Variants in POTEE observed in about 807,000 individuals in gnomAD.
POTEE encodes the protein ANKRD26-like family C member 1A.
A neutral mutation model predicts 74.2 loss-of-function variants in POTEE; 21 were observed. The observed-to-expected ratio is 0.28, with a 90% CI of 0.20 to 0.41. The LOEUF (loss-of-function observed/expected upper bound fraction) is 0.41. POTEE is among the 10% of genes least tolerant of loss of function. POTEE has a pLI of 1.00. For synonymous variants in POTEE, 211 were observed against 432.8 expected, an observed-to-expected ratio of 0.49 and a Z score of 6.36; for missense variants, 525 against 1,158.6, an observed-to-expected ratio of 0.45 and a Z score of 7.94.
At chr2:131,221,680 G>A (rs559291876) in intron 4 of POTEE, among the ~76,000 whole-genome samples, 47 of 152,218 alleles carry the variant, frequency 3.1e-4, no homozygotes, top group African/African-American at 1.0e-3. Context: ...TGTTCCTGTA[G>A]ATTTTATTGT....
At chr2:131,212,297 C>A (rs1206719496) in intron 2 of POTEE, among the ~76,000 whole-genome samples, 2 of 151,628 alleles carry the variant, frequency 1.3e-5, no homozygotes, top group African/African-American at 4.8e-5. Flanking sequence ...TTACATCCTA[C>A]TGCTCAAGGT....
chr2:131,232,845 C>T (rs1823650), intron 9 of POTEE, among the ~76,000 whole-genome samples: 107,995 of 150,994 alleles, frequency 0.72, 42,260 homozygotes, highest in Non-Finnish European at 0.86. Flanking sequence ...AACACAACAT[C>T]GCAAGGGCTG....
intron 8 of POTEE, among the ~76,000 whole-genome samples, chr2:131,228,738 G>A (rs1207662982): frequency 1.4e-5 from 2 of 147,074 alleles, no homozygotes; most frequent in Admixed American, 6.6e-5. Context: ...GGAAAGTCTT[G>A]TACTGTCTTC....
At chr2:131,211,657 A>G (rs1196107975) in intron 2 of POTEE, among the ~76,000 whole-genome samples, 1 of 139,600 alleles carries the variant, frequency 7.2e-6, no homozygotes, top group Non-Finnish European at 1.5e-5. Context: ...GGTTCACCCC[A>G]TCCTCCTGCC....
At chr2:131,224,797 T>C (rs1559175362) in intron 6 of POTEE, among the ~76,000 whole-genome samples, 1 of 151,564 alleles carries the variant, frequency 6.6e-6, no homozygotes, top group Non-Finnish European at 1.5e-5. Flanking sequence ...TAGGTGGTAA[T>C]GTAAGAGGAA....
intron 2 of POTEE, among the ~76,000 whole-genome samples, chr2:131,216,171 C>T (rs1573693649): frequency 6.6e-6 from 1 of 151,352 alleles, no homozygotes; most frequent in Non-Finnish European, 1.5e-5. Flanking sequence ...AAAATTATAG[C>T]ACATTGATGA....
At chr2:131,227,020 C>T (rs1243950040) in intron 7 of POTEE, 91 bp downstream of exon 7, 102 of 1,509,448 alleles carry the variant, frequency 6.8e-5, no homozygotes, top group East Asian at 2.4e-5. Context: ...TGTATACTTA[C>T]TGGGATGTAG....
chr2:131,243,166 C>T (rs1356021241), intron 12 of POTEE, among the ~76,000 whole-genome samples: 1 of 151,186 alleles, frequency 6.6e-6, no homozygotes, highest in Admixed American at 6.6e-5. Context: ...AGTGATTTAT[C>T]ATCTCTAACT....
chr2:131,226,050 T>G (rs1700773268), intron 6 of POTEE, among the ~76,000 whole-genome samples: 1 of 152,178 alleles, frequency 6.6e-6, no homozygotes, highest in Admixed American at 6.5e-5. Flanking sequence ...AGTAAGTCGT[T>G]AAGAGCAGAG....
chr2:131,228,881 G>A (rs1227520013), intron 8 of POTEE, among the ~76,000 whole-genome samples: 1 of 144,722 alleles, frequency 6.9e-6, no homozygotes, highest in African/African-American at 2.9e-5. Context: ...TGTTGTTTCC[G>A]TTGATTTTGT....
At chr2:131,237,776 G>C (rs1339875497) in intron 10 of POTEE, among the ~76,000 whole-genome samples, 1 of 152,272 alleles carries the variant, frequency 6.6e-6, no homozygotes, top group Non-Finnish European at 1.5e-5. Context: ...TCACTAGTTA[G>C]GGTTTCATGA....
intron 3 of POTEE, 147 bp from the exon 4 acceptor site, chr2:131,218,163 C>T: frequency 3.5e-6 from 3 of 861,402 alleles, no homozygotes; most frequent in Non-Finnish European, 5.1e-6. Flanking sequence ...GGGGTTGGCC[C>T]TTTCTGGGGT....
intron 16 of POTEE, among the ~76,000 whole-genome samples, chr2:131,254,954 A>G (rs1305206272): frequency 6.6e-6 from 1 of 152,286 alleles, no homozygotes; most frequent in Non-Finnish European, 1.5e-5. Context: ...GCATGAACAA[A>G]ATGATAATCA....
rs7425394 is a variant in POTEE at position 131,263,831 on chromosome 2, C to T, written c.2376C>T (p.Asn792=). Residue 792 remains asparagine (N), a synonymous_variant, in exon 18 of 18, where the codon AAC becomes AAT. Coordinates refer to ENST00000683005, the MANE Select transcript of POTEE (RefSeq NM_001083538.3). ...MEKIWHHTFY[N]ELRVAPEEHP... is the part of the protein sequence containing the mutation. ...AGATCTGGCACCACACCTTCTACAA[C>T]GAGCTGCGTGTGGCTCCCGAGGAGC... The T allele has an allele frequency of 0.098, 145,396 of 1,483,480 alleles. No homozygotes were observed. The highest frequency in any genetic ancestry group is 0.18 in the African/African-American group (11,984 of 68,134). 91.9% of individuals were successfully genotyped at this position (1,483,480 alleles called of 1,614,324 possible).
chr2:131,223,185 CT>C (rs1291274345), intron 4 of POTEE, among the ~76,000 whole-genome samples: 1 of 143,134 alleles, frequency 7.0e-6, no homozygotes, highest in Non-Finnish European at 1.5e-5. Context: ...AATTATTGAG[CT>C]GTTATTTGTG....
chr2:131,233,507 T>C (rs1299976126), intron 9 of POTEE, among the ~76,000 whole-genome samples: 2 of 151,598 alleles, frequency 1.3e-5, no homozygotes, highest in Non-Finnish European at 2.9e-5. Context: ...TTGTCATACA[T>C]CCTTGGAGTA....
intron 4 of POTEE, among the ~76,000 whole-genome samples, chr2:131,219,955 A>G (rs1700563707): frequency 6.6e-6 from 1 of 151,770 alleles, no homozygotes. Flanking sequence ...CTGAAAAGAC[A>G]TCAATGAATA....
intron 1 of POTEE, among the ~76,000 whole-genome samples, chr2:131,210,574 G>T (rs1463172541): frequency 1.2e-4 from 18 of 152,054 alleles, no homozygotes; most frequent in East Asian, 7.7e-4. Flanking sequence ...ATCTTGAGCA[G>T]GGCAGGGCCC....
intron 10 of POTEE, among the ~76,000 whole-genome samples, 150 bp from the exon 11 acceptor site, chr2:131,238,038 ATTTAAC>A (rs1342191772): frequency 6.6e-6 from 1 of 151,766 alleles, no homozygotes; most frequent in African/African-American, 2.4e-5. Context: ...ATTATTATTT[ATTTAAC>A]AGTTAAATTT....
Sources: gnomAD v4.1 joint callset for allele counts (sites outside exome capture counted in the v4.1 genomes callset) on GRCh38, gnomAD v4.1.1 for gene constraint, MANE v1.5 for transcripts, NCBI Gene and HGNC (gene_info 2026-07-23, HGNC 2026-07-21) for gene names.